Variants in HENMT1 observed in about 807,000 individuals in gnomAD.
HENMT1 encodes the protein small RNA 2'-O-methyltransferase.
In HENMT1, 27 loss-of-function variants were observed where a neutral mutation model predicts 31.1. That is an observed-to-expected ratio of 0.87 (90% CI 0.64 to 1.20). The LOEUF (loss-of-function observed/expected upper bound fraction) is 1.20. Among genes scored for constraint, HENMT1 ranks in the 50% most tolerant of loss-of-function variants. The pLI is 0.00. For synonymous variants in HENMT1, 167 were observed against 172.2 expected (o/e 0.97, Z 0.24); for missense variants, 438 against 469.6 (o/e 0.93, Z 0.62).
At position 108,650,302 on chromosome 1, in the gene HENMT1, T is replaced by C; in HGVS notation, c.665A>G (p.Tyr222Cys). The C allele has an allele frequency of 6.2e-7, 1 of 1,614,108 alleles. No homozygotes were observed. Among genetic ancestry groups the C allele is most frequent in the Non-Finnish European group, 8.5e-7 (1 of 1,179,970 alleles). Residue 222 changes from tyrosine to cysteine, a missense_variant, in exon 7 of 8, where the codon TAC becomes TGC. Tyr to Cys is a radical substitution (Grantham distance 194, BLOSUM62 -2). Coordinates refer to ENST00000651461, the MANE Select transcript of HENMT1 (RefSeq NM_001102592.2). ...CCGGAAGATTCCTATCTGGGTACAG[T>C]ATCCAACATTCTCAGCTCCAGCTGG... The part of the protein sequence containing the change: ...EPPAGAENVG[Y>C]CTQIGIFRKN...
chr1:108,649,592 G>A lies in HENMT1; in HGVS notation c.757-601C>T, dbSNP rs116530431. 6.8e-3 allele frequency among the ~76,000 whole-genome samples: 1,035 copies of A among 152,196 alleles called. 13 individuals carry two copies. Among genetic ancestry groups the A allele is most frequent in the African/African-American group, 0.023 (974 of 41,524 alleles). On this transcript the variant is annotated intron_variant, in intron 7 of 7. Transcript: ENST00000651461. Reference sequence around the variant, plus strand: ...GATTGTGCCGGTGCACTCCAGCCTCGGTGACAGAACAAGACCCTGTCCCTA... The same window carrying A: ...GATTGTGCCGGTGCACTCCAGCCTCAGTGACAGAACAAGACCCTGTCCCTA...
chr1:108,658,133 A>AT (rs796291842), intron 2 of HENMT1, among the ~76,000 whole-genome samples: 2,155 of 134,214 alleles, frequency 0.016, 48 homozygotes, highest in African/African-American at 0.043. Context: ...ATATATATAT[A>AT]TTTTTTTTTT....
At chr1:108,649,197 C>G in intron 7 of HENMT1, 1 of 633,142 alleles carries the variant, frequency 1.6e-6, no homozygotes, top group Non-Finnish European at 2.8e-6. Flanking sequence ...CTTTCTAATG[C>G]TAATGCCCAA....
chr1:108,655,738 G>A, intron 3 of HENMT1, 40 bp from the exon 4 acceptor site: 6 of 1,416,070 alleles, frequency 4.2e-6, no homozygotes, highest in South Asian at 1.2e-5. Context: ...GACATTTATA[G>A]CAAGAGAAGT....
intron 5 of HENMT1, among the ~76,000 whole-genome samples, chr1:108,652,683 G>A (rs945998151): frequency 1.3e-5 from 2 of 152,120 alleles, no homozygotes; most frequent in East Asian, 1.9e-4. Flanking sequence ...AGTGGCTCAC[G>A]CCTGTAATAC....
chr1:108,657,523 C>T lies in HENMT1; in HGVS notation c.78G>A (p.Gln26=), dbSNP rs922806065. 1.2e-6 allele frequency: 2 copies of T among 1,613,060 alleles called. No individual in the cohort carries two copies. Among genetic ancestry groups the T allele is most frequent in the African/African-American group, 1.3e-5 (1 of 74,964 alleles). ...FEEVPRETAI[Q]FKPPLYRQRY... ...GCTGTCTGTATAGTGGAGGTTTAAA[C>T]TGAATTGCCGTCTCCCTGGGAACTT... The change falls in exon 3 of 8, where the codon CAG becomes CAA. Residue 26 remains glutamine, a synonymous_variant. Transcript: ENST00000651461.
At chr1:108,658,287 G>A (rs1658328851) in intron 2 of HENMT1, among the ~76,000 whole-genome samples, 2 of 151,872 alleles carry the variant, frequency 1.3e-5, no homozygotes, top group African/African-American at 2.4e-5. Flanking sequence ...ACAGGCATGC[G>A]CCACCATGCC....
chr1:108,660,135 A>AC (rs1236549470), intron 1 of HENMT1, among the ~76,000 whole-genome samples, 173 bp from the exon 2 acceptor site: 1 of 150,920 alleles, frequency 6.6e-6, no homozygotes, highest in Non-Finnish European at 1.5e-5. Context: ...AAAAAAAAAA[A>AC]AAACACGAAA....
chr1:108,657,710 T>C, intron 2 of HENMT1, 131 bp from the exon 3 acceptor site: 1 of 796,680 alleles, frequency 1.3e-6, no homozygotes. Flanking sequence ...CACATACCCT[T>C]TGTCCTAAAA....
intron 4 of HENMT1, among the ~76,000 whole-genome samples, chr1:108,655,256 G>A (rs1211677418): frequency 1.3e-5 from 2 of 152,126 alleles, no homozygotes; most frequent in Admixed American, 1.3e-4. Flanking sequence ...GCGGTGGCCT[G>A]GAGCCTTGGC....
chr1:108,658,010 T>C (rs12744914), intron 2 of HENMT1, among the ~76,000 whole-genome samples: 25,759 of 148,516 alleles, frequency 0.17, 3,063 homozygotes, highest in East Asian at 0.5. Flanking sequence ...CACACACACA[T>C]ATATGTACAC....
upstream of HENMT1, chr1:108,661,238 C>G (rs1658471371): frequency 6.6e-6 from 1 of 152,354 alleles, no homozygotes; most frequent in African/African-American, 2.4e-5. Context: ...GTGCGCCGAG[C>G]TCCGTCCCTC....
rs77492030 is a variant in HENMT1 at position 108,654,643 on chromosome 1, G to A, written c.398+73C>T. On this transcript the variant is annotated intron_variant, in intron 5 of 7. Transcript: ENST00000651461. ...AATAATCAAGACCTATTATATTTAG[G>A]ACACTAAGATCACTGAGACTTATTC... 3,128 of 1,442,362 alleles carry A rather than the reference G, an allele frequency of 2.2e-3. 55 individuals carry two copies. The African/African-American group carries it at 0.039, about 18-fold the overall frequency. The allele number at this position is 1,442,362 out of a possible 1,614,324, so 89.3% of individuals were successfully genotyped here. A position where few individuals can be genotyped will look rare whatever the true frequency, so the allele number is the denominator to read the frequency against.
At chr1:108,654,939 C>A in intron 4 of HENMT1, 89 bp from the exon 5 acceptor site, 1 of 1,287,310 alleles carries the variant, frequency 7.8e-7, no homozygotes, top group Non-Finnish European at 1.1e-6. Context: ...TGATAATTAT[C>A]TTCTACCTCT....
intron 1 of HENMT1, among the ~76,000 whole-genome samples, chr1:108,660,287 C>A (rs1658410577): frequency 6.6e-6 from 1 of 152,094 alleles, no homozygotes; most frequent in Non-Finnish European, 1.5e-5. Context: ...GCTCAGAAAG[C>A]GTAACTTTTC....
At chr1:108,653,050 G>A (rs905350248) in intron 5 of HENMT1, among the ~76,000 whole-genome samples, 35 of 148,472 alleles carry the variant, frequency 2.4e-4, no homozygotes, top group African/African-American at 2.2e-4. Flanking sequence ...TTTTTGAGAC[G>A]GAGTTTTGCT....
At position 108,654,703 on chromosome 1, in the gene HENMT1, GT is replaced by G; in HGVS notation, c.398+12del. On this transcript the variant is annotated intron_variant, in intron 5 of 7. Transcript: ENST00000651461. ...AAATGAACAGTTATACAGTGTATCA[GT>G]TTAAAACTTACAATTCAATACACGT... The G allele has an allele frequency of 1.2e-6, 2 of 1,613,424 alleles. No individual in the cohort carries two copies. The highest frequency in any genetic ancestry group is 1.7e-6 in the Non-Finnish European group (2 of 1,179,408).
Position 108,657,960 on chromosome 1 carries a change from TG to T in HENMT1, c.22-382del, listed in dbSNP as rs200985961. On this transcript the variant is annotated intron_variant, in intron 2 of 7. Transcript: ENST00000651461. ...GAGGCTGGAAAATATTTATAATGAC[TG>T]ACTATATATATATACACACACACAT... is the stretch of plus-strand genomic sequence containing the variant. Among the ~76,000 whole-genome samples, 663 of 143,992 alleles carry T rather than the reference TG, an allele frequency of 4.6e-3. 10 individuals are homozygous for T. The highest frequency in any genetic ancestry group is 0.018 in the African/African-American group (630 of 34,858). The allele number at this position is 143,992 out of a possible 152,430, so 94.5% of individuals were successfully genotyped here.
chr1:108,648,595 T>G lies in HENMT1; in HGVS notation c.1153A>C (p.Asn385His), dbSNP rs1408823413. 2 of 1,613,688 alleles carry G rather than the reference T, an allele frequency of 1.2e-6. No individual in the cohort carries two copies. The highest frequency in any genetic ancestry group is 2.2e-5 in the South Asian group (2 of 91,058). ...AACTCAAACTGTTCATCAAAATAAT[T>G]ACGCAGGTCAGCCACCACTGCAGAA... is the stretch of plus-strand genomic sequence containing the variant. ...DGSAVVADLR[N>H]YFDEQFEF Residue 385 changes from asparagine to histidine, a missense_variant, in exon 8 of 8, where the codon AAT becomes CAT. By Grantham distance (68) the Asn-to-His change is moderately conservative. Transcript: ENST00000651461.
Sources: allele counts gnomAD v4.1 joint callset (sites outside exome capture counted in the v4.1 genomes callset), GRCh38; gene constraint gnomAD v4.1.1; transcripts MANE v1.5; gene names NCBI Gene and HGNC (gene_info 2026-07-23, HGNC 2026-07-21).